Variants in OOSP4A observed in about 807,000 individuals in gnomAD.
OOSP4A encodes oocyte-secreted protein 4A.
chr11:59,969,092 T>C, intron 3 of OOSP4A, 58 bp from the exon 4 acceptor site: 1 of 397,542 alleles, frequency 2.5e-6, no homozygotes. Flanking sequence ...CAACTTTTTC[T>C]CCACCTCCAA....
intron 4 of OOSP4A, 55 bp downstream of exon 4, chr11:59,969,339 A>G: frequency 2.5e-6 from 1 of 397,712 alleles, no homozygotes; most frequent in South Asian, 1.3e-4. Flanking sequence ...TATATAAAAA[A>G]GGCCAGGGTT....
chr11:59,966,520 G>C (rs770264368), intron 2 of OOSP4A, among the ~76,000 whole-genome samples: 11 of 150,930 alleles, frequency 7.3e-5, no homozygotes, highest in Non-Finnish European at 1.6e-4. Flanking sequence ...TCTGTCACCA[G>C]GCTGGAGTGC....
chr11:59,967,791 T>C (rs1312682800), intron 3 of OOSP4A, among the ~76,000 whole-genome samples: 2 of 152,058 alleles, frequency 1.3e-5, no homozygotes, highest in African/African-American at 4.8e-5. Flanking sequence ...GCAATTCTGC[T>C]TGTGGTCAAA....
At chr11:59,964,527 T>C (rs1419352129) in intron 1 of OOSP4A, among the ~76,000 whole-genome samples, 3 of 152,100 alleles carry the variant, frequency 2.0e-5, no homozygotes, top group Non-Finnish European at 4.4e-5. Context: ...CTGTATTCAA[T>C]TGTATATGAT....
exon 5 of OOSP4A, chr11:59,970,100 G>A (rs1355385022): frequency 1.3e-5 from 5 of 398,060 alleles, no homozygotes; most frequent in Non-Finnish European, 8.9e-6. Context: ...CTAAGTGTAA[G>A]AACAAAGCTG....
At chr11:59,964,132 A>G (rs1292052113) in intron 1 of OOSP4A, 33 bp downstream of exon 1, 2 of 385,004 alleles carry the variant, frequency 5.2e-6, no homozygotes, top group African/African-American at 2.2e-5. Context: ...GGAGGTGGCA[A>G]TTTCAATCAG....
chr11:59,966,634 C>T (rs1328297226), intron 2 of OOSP4A, among the ~76,000 whole-genome samples: 1 of 152,166 alleles, frequency 6.6e-6, no homozygotes, highest in East Asian at 1.9e-4. Flanking sequence ...CACCACCACA[C>T]CTAACTAATT....
At chr11:59,967,497 G>A (rs538142189) in intron 3 of OOSP4A, among the ~76,000 whole-genome samples, 4 of 152,142 alleles carry the variant, frequency 2.6e-5, no homozygotes, top group East Asian at 3.9e-4. Flanking sequence ...GGCTATTATA[G>A]GAGTTCTTAA....
chr11:59,970,171 A>G (rs144248080), downstream of OOSP4A: 729 of 397,556 alleles, frequency 1.8e-3, 5 homozygotes, highest in African/African-American at 0.012. Context: ...TGAGGATTTC[A>G]TTGCCTTTTA....
Position 59,968,951 on chromosome 11 carries a change from G to A in OOSP4A, c.345-199G>A, listed in dbSNP as rs143586568. Among the ~76,000 whole-genome samples, 261 of 152,258 alleles carry A rather than the reference G, an allele frequency of 1.7e-3. 1 individual carries two copies. The highest frequency in any genetic ancestry group is 5.8e-3 in the African/African-American group (241 of 41,550). ...GTACATTTTGGGATAATGAAAAGTCGTATGCAACCATCTGTGAATTTTTTC... is the reference window on the plus strand; with the variant it reads ...GTACATTTTGGGATAATGAAAAGTCATATGCAACCATCTGTGAATTTTTTC... On this transcript the variant is annotated intron_variant, in intron 3 of 4. Coordinates refer to ENST00000645590, the Ensembl canonical transcript of OOSP4A.
chr11:59,965,457 T>C (rs776119963), intron 1 of OOSP4A, 78 bp from the exon 2 acceptor site: 27 of 397,672 alleles, frequency 6.8e-5, no homozygotes, highest in Middle Eastern at 6.3e-4. Flanking sequence ...GCTCAAGAGG[T>C]TGAAAGTTTC....
chr11:59,967,991 A>G (rs952907972), intron 3 of OOSP4A, among the ~76,000 whole-genome samples: 2 of 152,202 alleles, frequency 1.3e-5, no homozygotes, highest in Non-Finnish European at 2.9e-5. Flanking sequence ...CATTAACAGC[A>G]TCTTTGGTCC....
intron 4 of OOSP4A, among the ~76,000 whole-genome samples, chr11:59,969,829 T>G (rs1170541117): frequency 6.6e-6 from 1 of 152,168 alleles, no homozygotes; most frequent in Non-Finnish European, 1.5e-5. Flanking sequence ...TACTAAGCAT[T>G]TGTTAACTAA....
intron 1 of OOSP4A, among the ~76,000 whole-genome samples, chr11:59,964,904 A>C (rs995027735): frequency 2.0e-5 from 3 of 152,118 alleles, no homozygotes; most frequent in African/African-American, 4.8e-5. Flanking sequence ...TTTCAGATAG[A>C]TATCACTTAC....
At position 59,970,064 on chromosome 11, in the gene OOSP4A, G is replaced by A. The variant is rs115327469; in HGVS notation, c.495G>A (p.Leu165=). 958 of 398,070 alleles carry A rather than the reference G, an allele frequency of 2.4e-3. 9 individuals carry two copies. Among genetic ancestry groups the A allele is most frequent in the African/African-American group, 0.018 (866 of 48,676 alleles). The allele number at this position is 398,070 out of a possible 1,614,324, so 24.7% of individuals were successfully genotyped here. Residue 165 remains leucine, a synonymous_variant, in exon 5 of 5, where the codon TTG becomes TTA. Transcript: ENST00000645590. ...GTCCTTACAGGAACAGTGTTCCCTT[G>A]TTGAGCTACCTCATTGTATCCCTTC...
exon 5 of OOSP4A, chr11:59,970,084 C>A (rs1854139787): frequency 2.5e-6 from 1 of 398,078 alleles, no homozygotes; most frequent in Non-Finnish European, 4.4e-6. Context: ...CTCATTGTAT[C>A]CCTTCCTAAG....
intron 2 of OOSP4A, among the ~76,000 whole-genome samples, chr11:59,965,983 G>T (rs1347677402): frequency 3.3e-5 from 5 of 151,590 alleles, no homozygotes; most frequent in African/African-American, 1.2e-4. Flanking sequence ...TTTTTTTGTT[G>T]TTGTTGTTGT....
chr11:59,966,297 G>C (rs1265951936), intron 2 of OOSP4A, among the ~76,000 whole-genome samples: 1 of 150,846 alleles, frequency 6.6e-6, no homozygotes, highest in East Asian at 1.9e-4. Flanking sequence ...TTGGATCCAA[G>C]TACATGACTT....
At chr11:59,965,633 A>G (rs1296662378) in exon 2 of OOSP4A, 1 of 398,568 alleles carries the variant, frequency 2.5e-6, no homozygotes, top group African/African-American at 2.1e-5. Flanking sequence ...CTCTCTAGGA[A>G]TTGGCTGTCC....
Sources: allele counts gnomAD v4.1 joint callset (sites outside exome capture counted in the v4.1 genomes callset), GRCh38; gene constraint gnomAD v4.1.1; transcripts MANE v1.5; gene names NCBI Gene and HGNC (gene_info 2026-07-23, HGNC 2026-07-21).